Variants in SLC38A9 observed in about 807,000 individuals in gnomAD.
SLC38A9 encodes the protein neutral amino acid transporter 9.
A neutral mutation model predicts 62.3 loss-of-function variants in SLC38A9; 48 were observed. The observed-to-expected ratio is 0.77, with a 90% CI of 0.61 to 0.98. The LOEUF (loss-of-function observed/expected upper bound fraction) is 0.98, where lower values mean the gene tolerates loss of function less well. Ranked by LOEUF, SLC38A9 falls within the 50% of genes least tolerant of loss-of-function variation. The probability of loss-of-function intolerance (pLI) is 0.00; values close to 1 mark genes in which losing one functional copy is unlikely to be tolerated. For missense variants in SLC38A9, 541 were observed against 679.8 expected, an observed-to-expected ratio of 0.80 and a Z score of 2.27; for synonymous variants, 204 against 227.7, an observed-to-expected ratio of 0.90 and a Z score of 0.94.
chr5:55,685,176 C>G (rs16884439), intron 3 of SLC38A9, among the ~76,000 whole-genome samples: 91,170 of 152,016 alleles, frequency 0.6, 27,924 homozygotes, highest in South Asian at 0.7. Context: ...TCCTTAATCT[C>G]TCAATTCACA....
At chr5:55,692,258 A>C (rs1754859371) in intron 3 of SLC38A9, among the ~76,000 whole-genome samples, 1 of 152,204 alleles carries the variant, frequency 6.6e-6, no homozygotes, top group Non-Finnish European at 1.5e-5. Context: ...TTAAAAAGTA[A>C]ATAGATTTTT....
At chr5:55,635,335 G>T in intron 13 of SLC38A9, 1 of 584,040 alleles carries the variant, frequency 1.7e-6, no homozygotes, top group South Asian at 2.0e-5. Flanking sequence ...AATCAAATGG[G>T]GGTACTTATT....
intron 2 of SLC38A9, among the ~76,000 whole-genome samples, chr5:55,701,592 G>A (rs1036466455): frequency 2.6e-5 from 4 of 152,194 alleles, no homozygotes; most frequent in African/African-American, 9.6e-5. Context: ...CCCCTACACT[G>A]TACTCTACAC....
intron 14 of SLC38A9, among the ~76,000 whole-genome samples, chr5:55,628,432 C>T (rs1250230501): frequency 6.6e-6 from 1 of 151,778 alleles, no homozygotes; most frequent in Non-Finnish European, 1.5e-5. Flanking sequence ...ACTATCTAGG[C>T]AATTCAGAAA....
Position 55,626,541 on chromosome 5 carries a change from T to C in SLC38A9, c.1639A>G (p.Ile547Val), listed in dbSNP as rs1742443396. Residue 547 changes from isoleucine to valine, a missense_variant, in exon 16 of 16, where the codon ATC (isoleucine) becomes GTC (valine). Ile to Val is a conservative substitution (Grantham distance 29). Transcript: ENST00000396865. ...AGGTTAGCCACGCCCAAAATGATGA[T>C]GAAAACGTGGAAGATTAATTTAGGC... ...TWPKLIFHVFIIILGVANLIV... is the reference protein window; with the variant it reads ...TWPKLIFHVFVIILGVANLIV... 1.2e-6 allele frequency: 2 copies of C among 1,613,356 alleles called. No homozygotes were observed. The highest frequency in any genetic ancestry group is 2.7e-5 in the African/African-American group (2 of 74,778).
chr5:55,627,964 T>C lies in SLC38A9; in HGVS notation c.1447A>G (p.Ile483Val), dbSNP rs138445191. 2,329 of 1,611,660 alleles carry C rather than the reference T, an allele frequency of 1.4e-3. 1 individual carries two copies. Among genetic ancestry groups the C allele is most frequent in the Non-Finnish European group, 1.7e-3 (2,039 of 1,178,484 alleles). ...DIYPSIFHVL[I>V]LNLIIVGAGV... ...GCTCCCACAATAATTAGATTAAGAATCAGCACATGGAAAATGCTAGAAGTT... is the reference window on the plus strand; with the variant it reads ...GCTCCCACAATAATTAGATTAAGAACCAGCACATGGAAAATGCTAGAAGTT... The change falls in exon 15 of 16, where the codon ATT becomes GTT. Residue 483 changes from isoleucine to valine, a missense_variant. By Grantham distance (29) the Ile-to-Val change is conservative. Coordinates refer to ENST00000396865, the MANE Select transcript of SLC38A9 (RefSeq NM_173514.4).
chr5:55,626,286 G>A lies in SLC38A9; in HGVS notation c.*208C>T, dbSNP rs1430639738. The A allele has an allele frequency of 8.8e-6, 4 of 455,154 alleles. No homozygotes were observed. The highest frequency in any genetic ancestry group is 1.2e-5 in the Non-Finnish European group (3 of 255,404). 28.2% of individuals were successfully genotyped at this position (455,154 alleles called of 1,614,324 possible). On this transcript the variant is annotated 3_prime_UTR_variant, in exon 16 of 16. Coordinates refer to ENST00000396865, the MANE Select transcript of SLC38A9 (RefSeq NM_173514.4). Reference sequence around the variant, plus strand: ...TAAAGAGGTGAGTTAATATGAGAAAGGTAAAGACACTAAGATCATTCTTTT... The same window carrying A: ...TAAAGAGGTGAGTTAATATGAGAAAAGTAAAGACACTAAGATCATTCTTTT...
intron 8 of SLC38A9, among the ~76,000 whole-genome samples, chr5:55,661,335 C>A (rs1053809751): frequency 1.0e-4 from 15 of 149,552 alleles, no homozygotes; most frequent in African/African-American, 3.5e-4. Context: ...GTCCTAGCTG[C>A]TGGGGAGGCT....
At chr5:55,634,012 G>T in intron 13 of SLC38A9, 110 bp from the exon 14 acceptor site, 2 of 765,310 alleles carry the variant, frequency 2.6e-6, no homozygotes, top group Non-Finnish European at 4.0e-6. Context: ...TCCGATTGTG[G>T]TTTGTGGACT....
intron 3 of SLC38A9, among the ~76,000 whole-genome samples, chr5:55,680,204 AGT>A: frequency 7.8e-6 from 1 of 127,440 alleles, no homozygotes; most frequent in Non-Finnish European, 1.7e-5. Context: ...TAAAGGTTTC[AGT>A]GTATATATCT....
At position 55,630,775 on chromosome 5, in the gene SLC38A9, G is replaced by GT. The variant is rs1180313946; in HGVS notation, c.1431-2796dup. On this transcript the variant is annotated intron_variant, in intron 14 of 15. Coordinates refer to ENST00000396865, the MANE Select transcript of SLC38A9 (RefSeq NM_173514.4). Reference sequence around the variant, plus strand: ...ACTGGGGTATCCATCCCCTGAAAGTGTTTTTTTACAAAAATGTTACTTATG... The same window carrying GT: ...ACTGGGGTATCCATCCCCTGAAAGTGTTTTTTTTACAAAAATGTTACTTATG... Among the ~76,000 whole-genome samples, 7 of 151,980 alleles carry GT rather than the reference G, an allele frequency of 4.6e-5. No individual in the cohort carries two copies. The South Asian group carries it at 8.3e-4, about 18-fold the overall frequency.
At chr5:55,663,040 A>G (rs1347683824) in intron 8 of SLC38A9, among the ~76,000 whole-genome samples, 1 of 151,958 alleles carries the variant, frequency 6.6e-6, no homozygotes, top group Non-Finnish European at 1.5e-5. Context: ...GATTATAGGC[A>G]TGTGCCACCA....
intron 12 of SLC38A9, 53 bp downstream of exon 12, chr5:55,645,735 TA>T: frequency 2.4e-6 from 3 of 1,254,606 alleles, no homozygotes; most frequent in South Asian, 1.3e-5. Flanking sequence ...AATACTGACT[TA>T]AAAAATTTAT....
intron 15 of SLC38A9, among the ~76,000 whole-genome samples, chr5:55,627,018 G>T (rs1053161307): frequency 6.6e-6 from 1 of 152,072 alleles, no homozygotes. Context: ...CTCAGTTTTT[G>T]AGGGACCGTT....
intron 3 of SLC38A9, among the ~76,000 whole-genome samples, chr5:55,688,702 AATT>A (rs1754315004): frequency 2.1e-5 from 2 of 94,446 alleles, no homozygotes. Context: ...CTCTTTAAGC[AATT>A]ATTTTTAATA....
At chr5:55,696,549 C>A (rs1755746970) in intron 3 of SLC38A9, 1 of 56,154 alleles carries the variant, frequency 1.8e-5, no homozygotes, top group Admixed American at 1.5e-4. Flanking sequence ...CCCTCCCAGA[C>A]GGGGCGGCTG....
intron 3 of SLC38A9, 161 bp from the exon 4 acceptor site, chr5:55,672,856 GTAT>G (rs1751534644): frequency 3.2e-6 from 2 of 623,288 alleles, no homozygotes; most frequent in Admixed American, 6.5e-5. Flanking sequence ...TACAAAAGAA[GTAT>G]TATCCTATCC....
intron 3 of SLC38A9, among the ~76,000 whole-genome samples, chr5:55,695,142 T>C (rs1561430655): frequency 3.2e-5 from 3 of 94,304 alleles, no homozygotes; most frequent in African/African-American, 9.7e-5. Context: ...TTCTTAGTGT[T>C]AAATTTTTTT....
In SLC38A9 at chr5:55,672,677, G is replaced by A. The variant is rs745930627; in HGVS notation, c.132C>T (p.Pro44=). 1.2e-6 allele frequency: 2 copies of A among 1,613,932 alleles called. No individual in the cohort carries two copies. Among genetic ancestry groups the A allele is most frequent in the Non-Finnish European group, 8.5e-7 (1 of 1,180,000 alleles). ...CATGATTCACATTCACGATGTTTGT[G>A]GGCTCTATACAGAAAGGCCTACAAA... ...LRSKRPFCIE[P]TNIVNVNHVI... is the part of the protein sequence containing the mutation. Residue 44 remains proline (P), a synonymous_variant, in exon 4 of 16, where the codon CCC becomes CCT. Coordinates refer to ENST00000396865, the MANE Select transcript of SLC38A9 (RefSeq NM_173514.4).
Sources: allele counts gnomAD v4.1 joint callset (sites outside exome capture counted in the v4.1 genomes callset), GRCh38; gene constraint gnomAD v4.1.1; transcripts MANE v1.5; gene names NCBI Gene and HGNC (gene_info 2026-07-23, HGNC 2026-07-21).